The following PIK3R5 variants were observed in gnomAD, a reference collection of about 807,000 sequenced individuals.
The protein encoded by PIK3R5 is phosphoinositide-3-kinase regulatory subunit 5, also known as phosphoinositide 3-kinase regulatory subunit 5.
In PIK3R5, 32 loss-of-function variants were observed where a neutral mutation model predicts 94.9. The ratio of observed to expected loss-of-function variants is 0.34; its 90% CI spans 0.25 to 0.45. The LOEUF (loss-of-function observed/expected upper bound fraction) is 0.45. Among genes scored for constraint, PIK3R5 ranks in the 20% least tolerant of loss-of-function variants. The pLI is 1.00. For missense variants in PIK3R5, 853 were observed against 1,144.6 expected, an observed-to-expected ratio of 0.75 and a Z score of 3.68; for synonymous variants, 443 against 479.4, an observed-to-expected ratio of 0.92 and a Z score of 0.99.
At position 8,888,002 on chromosome 17, in the gene PIK3R5, A is replaced by AAAT. The variant is rs71135929; in HGVS notation, c.1616+166_1616+168dup. ...GGCAACAGAGCAAGACTCTGTCTCA[A>AAAT]AATAATAATAATAATAATAATAATA... On this transcript the variant is annotated intron_variant, in intron 10 of 18. Transcript: ENST00000447110. The surrounding 1 kb of genome is among the most constrained non-coding windows in gnomAD (Gnocchi z 7.8). 0.26 allele frequency among the ~76,000 whole-genome samples: 33,334 copies of AAAT among 129,206 alleles called. 4,495 individuals carry two copies. Among genetic ancestry groups the AAAT allele is most frequent in the Middle Eastern group, 0.34 (85 of 248 alleles). The allele number at this position is 129,206 out of a possible 152,430, so 84.8% of individuals were successfully genotyped here.
At chr17:8,958,748 T>G (rs2091506530) in intron 1 of PIK3R5, among the ~76,000 whole-genome samples, 1 of 151,978 alleles carries the variant, frequency 6.6e-6, no homozygotes, top group South Asian at 2.1e-4. Flanking sequence ...ACACCTTTTT[T>G]TTTCTCTCTC....
At chr17:8,954,664 G>C (rs959557393) in intron 1 of PIK3R5, among the ~76,000 whole-genome samples, 1 of 152,114 alleles carries the variant, frequency 6.6e-6, no homozygotes, top group Non-Finnish European at 1.5e-5. Flanking sequence ...TGCCGGGTGC[G>C]GTGGCTCATG....
In PIK3R5 at chr17:8,879,446, T is replaced by C. The variant is rs1597458762; in HGVS notation, c.*1193A>G. The C allele has an allele frequency of 6.6e-6, 1 of 152,268 alleles. No homozygotes were observed. Among genetic ancestry groups the C allele is most frequent in the East Asian group, 1.9e-4 (1 of 5,198 alleles). The allele number at this position is 152,268 out of a possible 1,614,324, so 9.4% of individuals were successfully genotyped here. ...AAGCTCTGTGAGGCCAGTCACTCCA[T>C]CCTCTGTTCTGGGATCTTGCCCAGG... is the stretch of plus-strand genomic sequence containing the variant. On this transcript the variant is annotated 3_prime_UTR_variant, in exon 19 of 19. Transcript: ENST00000447110. This position sits in a 1 kb window ranked among gnomAD's most constrained non-coding sequence, Gnocchi z 4.4.
intron 3 of PIK3R5, among the ~76,000 whole-genome samples, chr17:8,908,755 G>C (rs1349740015): frequency 6.6e-6 from 1 of 152,026 alleles, no homozygotes; most frequent in Non-Finnish European, 1.5e-5. Context: ...TCCTGTCTTT[G>C]TTTTTATGGA....
rs1384960520 is a variant in PIK3R5 at position 8,942,883 on chromosome 17, G to A, written c.-14+22713C>T. ...GGCCTCCCAAAGTGCTGGGATTACAGGTGTGAACCACTGCACCCGGCCCTG... is the reference window on the plus strand; with the variant it reads ...GGCCTCCCAAAGTGCTGGGATTACAAGTGTGAACCACTGCACCCGGCCCTG... On this transcript the variant is annotated intron_variant, in intron 1 of 18. Transcript: ENST00000447110. Among the ~76,000 whole-genome samples, 5 of 151,834 alleles carry A rather than the reference G, an allele frequency of 3.3e-5. No homozygotes were observed. In the East Asian group the frequency reaches 9.7e-4, roughly 29 times the overall value.
chr17:8,920,169 C>T (rs1022878015), intron 1 of PIK3R5, among the ~76,000 whole-genome samples: 1 of 152,138 alleles, frequency 6.6e-6, no homozygotes, highest in African/African-American at 2.4e-5. Flanking sequence ...CAGGCGTGAG[C>T]CACCATGCCC....
chr17:8,924,818 A>T (rs993976097), intron 1 of PIK3R5, among the ~76,000 whole-genome samples: 4 of 151,908 alleles, frequency 2.6e-5, no homozygotes, highest in African/African-American at 9.7e-5. Flanking sequence ...GAAATCAGAC[A>T]CTCCTCCCGA....
At chr17:8,929,308 G>T (rs1393457388) in intron 1 of PIK3R5, among the ~76,000 whole-genome samples, 4 of 152,052 alleles carry the variant, frequency 2.6e-5, no homozygotes, top group Non-Finnish European at 4.4e-5. Context: ...CTGTCTACAA[G>T]AAACTCACTT....
At chr17:8,956,058 A>G (rs1169314450) in intron 1 of PIK3R5, among the ~76,000 whole-genome samples, 1 of 151,884 alleles carries the variant, frequency 6.6e-6, no homozygotes, top group African/African-American at 2.4e-5. Flanking sequence ...TACTCAGGAG[A>G]CTGAGGCAGG....
At chr17:8,924,937 A>G (rs1299885905) in intron 1 of PIK3R5, among the ~76,000 whole-genome samples, 1 of 152,232 alleles carries the variant, frequency 6.6e-6, no homozygotes, top group Non-Finnish European at 1.5e-5. Context: ...ACAACTTACT[A>G]TGACATTAGG....
At chr17:8,954,254 G>A (rs1236949440) in intron 1 of PIK3R5, among the ~76,000 whole-genome samples, 1 of 152,150 alleles carries the variant, frequency 6.6e-6, no homozygotes, top group Non-Finnish European at 1.5e-5. Context: ...AGGACCATAT[G>A]CAAATTAATC....
intron 1 of PIK3R5, among the ~76,000 whole-genome samples, chr17:8,948,352 G>A (rs1217015115): frequency 6.6e-6 from 1 of 152,144 alleles, no homozygotes; most frequent in Non-Finnish European, 1.5e-5. Flanking sequence ...AATATGTATT[G>A]AGGGTCTACT....
intron 6 of PIK3R5, among the ~76,000 whole-genome samples, chr17:8,891,382 G>T (rs1828823001): frequency 2.0e-5 from 3 of 151,990 alleles, no homozygotes; most frequent in Non-Finnish European, 4.4e-5. Context: ...GTGCCGTGGG[G>T]CTGCATCTGC....
In PIK3R5 at chr17:8,904,739, T is replaced by C. The variant is rs374899618; in HGVS notation, c.412+38A>G. On this transcript the variant is annotated intron_variant, in intron 5 of 18. Transcript: ENST00000447110. The surrounding 1 kb of genome is among the most constrained non-coding windows in gnomAD (Gnocchi z 5.1). ...AGGAGTTGGAAGCATTCTGACCTTC[T>C]GAGCCCTGTCCCCCGTGCCAGCTGC... 6.2e-7 allele frequency: 1 copy of C among 1,608,944 alleles called. No individual in the cohort carries two copies. The highest frequency in any genetic ancestry group is 8.5e-7 in the Non-Finnish European group (1 of 1,176,152).
At chr17:8,914,901 C>T (rs1344160924) in intron 1 of PIK3R5, among the ~76,000 whole-genome samples, 4 of 152,194 alleles carry the variant, frequency 2.6e-5, no homozygotes, top group African/African-American at 4.8e-5. Context: ...AAGGCTGGAC[C>T]AATTTTGTAG....
At position 8,947,274 on chromosome 17, in the gene PIK3R5, G is replaced by A. The variant is rs561645351; in HGVS notation, c.-14+18322C>T. ...TCCCTGCTCCTCGGTCATCTCATCTGTTGGAAGGTCAAGTTAGTGATGAGG... is the reference window on the plus strand; with the variant it reads ...TCCCTGCTCCTCGGTCATCTCATCTATTGGAAGGTCAAGTTAGTGATGAGG... On this transcript the variant is annotated intron_variant, in intron 1 of 18. Coordinates refer to ENST00000447110, the MANE Select transcript of PIK3R5 (RefSeq NM_001142633.3). Among the ~76,000 whole-genome samples the A allele has an allele frequency of 2.0e-5, 3 of 152,292 alleles. No homozygotes were observed. The South Asian group carries it at 6.2e-4, about 32-fold the overall frequency.
At chr17:8,907,993 A>C (rs992953747) in intron 3 of PIK3R5, among the ~76,000 whole-genome samples, 5 of 152,108 alleles carry the variant, frequency 3.3e-5, no homozygotes, top group African/African-American at 1.2e-4. Context: ...TTATGGTTTT[A>C]ATTTGCATTT....
At position 8,925,042 on chromosome 17, in the gene PIK3R5, AATAG is replaced by A. The variant is rs986407407; in HGVS notation, c.-13-13539_-13-13536del. Among the ~76,000 whole-genome samples the A allele has an allele frequency of 2.6e-4, 39 of 151,822 alleles. No homozygotes were observed. The highest frequency in any genetic ancestry group is 7.5e-4 in the African/African-American group (31 of 41,338). On this transcript the variant is annotated intron_variant, in intron 1 of 18. Transcript: ENST00000447110. The surrounding 1 kb of genome is among the most constrained non-coding windows in gnomAD (Gnocchi z 5.1). Reference sequence around the variant, plus strand: ...TGGATAGATAGATAGATAGTAGATGAATAGATAGATAGATAGTAGATGGATAGAT... The same window carrying A: ...TGGATAGATAGATAGATAGTAGATGAATAGATAGATAGTAGATGGATAGAT...
Position 8,925,458 on chromosome 17 carries a change from G to GA in PIK3R5, c.-13-13952_-13-13951insT, listed in dbSNP as rs200680073. Among the ~76,000 whole-genome samples, 9,210 of 89,134 alleles carry GA rather than the reference G, an allele frequency of 0.1. 405 individuals are homozygous for GA. Among genetic ancestry groups the GA allele is most frequent in the Non-Finnish European group, 0.17 (5,818 of 33,444 alleles). 58.5% of individuals were successfully genotyped at this position (89,134 alleles called of 152,430 possible). A position where few individuals can be genotyped will look rare whatever the true frequency, so the allele number is the denominator to read the frequency against. On this transcript the variant is annotated intron_variant, in intron 1 of 18. Transcript: ENST00000447110. This position sits in a 1 kb window ranked among gnomAD's most constrained non-coding sequence, Gnocchi z 5.1. ...GAGATAGATAGTAGATGGATAGATAGTAGATGGATGATAGATAGATAGTAG... is the reference window on the plus strand; with the variant it reads ...GAGATAGATAGTAGATGGATAGATAGATAGATGGATGATAGATAGATAGTAG...
Sources: allele counts gnomAD v4.1 joint callset (sites outside exome capture counted in the v4.1 genomes callset), GRCh38; gene constraint gnomAD v4.1.1; non-coding constraint Gnocchi (gnomAD v3.1); transcripts MANE v1.5; gene names NCBI Gene and HGNC (gene_info 2026-07-23, HGNC 2026-07-21).